The following UBE2W variants were observed in gnomAD, a reference collection of about 807,000 sequenced individuals.
UBE2W encodes ubiquitin-conjugating enzyme E2 W.
UBE2W carries 18 observed loss-of-function variants against 27.2 expected under a neutral mutation model. The ratio of observed to expected loss-of-function variants is 0.66; its 90% CI spans 0.46 to 0.98. The LOEUF is 0.98. Among genes scored for constraint, UBE2W ranks in the 50% least tolerant of loss-of-function variants. The pLI is 0.00. For synonymous variants in UBE2W, 53 were observed against 57.2 expected (o/e 0.93, Z 0.33); for missense variants, 90 against 180.2 (o/e 0.50, Z 2.87).
At chr8:73,811,511 T>C (rs549514945) in intron 3 of UBE2W, among the ~76,000 whole-genome samples, 24 of 152,318 alleles carry the variant, frequency 1.6e-4, no homozygotes, top group African/African-American at 5.8e-4. Context: ...CACTGTGTAC[T>C]ATATTTATTC....
chr8:73,788,217 A>T lies in UBE2W; in HGVS notation c.*5885T>A, dbSNP rs1808043694. ...AACTAACAAGTCTGATACATGTATT[A>T]AAAAATATATAACATAGATTTGTCT... On this transcript the variant is annotated 3_prime_UTR_variant, in exon 6 of 6. Transcript: ENST00000602593. 1.1e-6 allele frequency: 1 copy of T among 939,694 alleles called. No individual in the cohort carries two copies. 58.2% of individuals were successfully genotyped at this position (939,694 alleles called of 1,614,324 possible).
At chr8:73,782,206 C>G (rs1366871084), downstream of UBE2W, among the ~76,000 whole-genome samples, 1 of 151,910 alleles carries the variant, frequency 6.6e-6, no homozygotes, top group Non-Finnish European at 1.5e-5. Flanking sequence ...CTTGGCCTCC[C>G]AAAGTACTGG....
chr8:73,789,318 A>AAAAAAC lies in UBE2W; in HGVS notation c.*4783_*4784insGTTTTT. On this transcript the variant is annotated 3_prime_UTR_variant, in exon 6 of 6. Coordinates refer to ENST00000602593, the MANE Select transcript of UBE2W (RefSeq NM_018299.6). Reference sequence around the variant, plus strand: ...AGACCTCGTGTCTTTAAAAAAAAAAAAAAAAAAAAAAAAAAAAAAAAAAAT... The same window carrying AAAAAAC: ...AGACCTCGTGTCTTTAAAAAAAAAAAAAAAACAAAAAAAAAAAAAAAAAAAAAAAAT... 3.9e-6 allele frequency: 1 copy of AAAAAAC among 257,138 alleles called. No individual in the cohort carries two copies. Among genetic ancestry groups the AAAAAAC allele is most frequent in the Non-Finnish European group, 5.8e-6 (1 of 172,478 alleles). The allele number at this position is 257,138 out of a possible 1,614,324, so 15.9% of individuals were successfully genotyped here.
At position 73,791,832 on chromosome 8, in the gene UBE2W, G is replaced by T. The variant is rs913726824; in HGVS notation, c.*2270C>A. ...ATTTCATTTTCCTCTACTTTCCTCTGTGTCATTTTAGTTTACTTTATGGTA... is the reference window on the plus strand; with the variant it reads ...ATTTCATTTTCCTCTACTTTCCTCTTTGTCATTTTAGTTTACTTTATGGTA... On this transcript the variant is annotated 3_prime_UTR_variant, in exon 6 of 6. Transcript: ENST00000602593. 2.0e-6 allele frequency: 2 copies of T among 984,440 alleles called. No individual in the cohort carries two copies. Among genetic ancestry groups the T allele is most frequent in the Admixed American group, 1.2e-4 (2 of 16,224 alleles). The allele number at this position is 984,440 out of a possible 1,614,324, so 61.0% of individuals were successfully genotyped here.
intron 1 of UBE2W, among the ~76,000 whole-genome samples, chr8:73,841,745 G>A (rs751040785): frequency 1.3e-5 from 2 of 152,198 alleles, no homozygotes; most frequent in East Asian, 3.8e-4. Context: ...ACTCTGAAAT[G>A]TAAGGATTAG....
chr8:73,788,479 T>C lies in UBE2W; in HGVS notation c.*5623A>G. ...TTTTGGCTACTAATCAACCCAATAA[T>C]CCATTTTACCTTGAACCTGACCACC... On this transcript the variant is annotated 3_prime_UTR_variant, in exon 6 of 6. Coordinates refer to ENST00000602593, the MANE Select transcript of UBE2W (RefSeq NM_018299.6). 9 of 985,398 alleles carry C rather than the reference T, an allele frequency of 9.1e-6. No homozygotes were observed. Among genetic ancestry groups the C allele is most frequent in the Non-Finnish European group, 1.1e-5 (9 of 829,922 alleles). 61.0% of individuals were successfully genotyped at this position (985,398 alleles called of 1,614,324 possible).
intron 3 of UBE2W, among the ~76,000 whole-genome samples, chr8:73,817,144 T>C (rs1302527004): frequency 1.3e-5 from 2 of 151,304 alleles, no homozygotes; most frequent in East Asian, 3.9e-4. Flanking sequence ...GCCAACATGG[T>C]GAAACCCCAT....
intron 5 of UBE2W, among the ~76,000 whole-genome samples, chr8:73,798,707 G>C (rs1050198025): frequency 6.6e-6 from 1 of 152,172 alleles, no homozygotes; most frequent in African/African-American, 2.4e-5. Flanking sequence ...CTCACAAAGA[G>C]ACACATTCAA....
intron 1 of UBE2W, among the ~76,000 whole-genome samples, chr8:73,835,176 C>T (rs72661825): frequency 9.9e-5 from 15 of 151,420 alleles, no homozygotes; most frequent in Non-Finnish European, 1.8e-4. Flanking sequence ...ACTAAAAAAG[C>T]GCTTTATTGG....
chr8:73,845,619 ATGTT>A (rs1265051858), intron 1 of UBE2W, among the ~76,000 whole-genome samples: 1 of 152,082 alleles, frequency 6.6e-6, no homozygotes, highest in African/African-American at 2.4e-5. Context: ...CTTTGTTCAC[ATGTT>A]TATCTGCTGA....
Position 73,787,627 on chromosome 8 carries a change from T to C in UBE2W, c.*6475A>G. ...AGCTTAGAATTACCAGCAGAGCATA[T>C]TTAATTCCTCCTGTCAGGAATAACA... On this transcript the variant is annotated 3_prime_UTR_variant, in exon 6 of 6. Coordinates refer to ENST00000602593, the MANE Select transcript of UBE2W (RefSeq NM_018299.6). 1 of 985,408 alleles carries C rather than the reference T, an allele frequency of 1.0e-6. No homozygotes were observed. The highest frequency in any genetic ancestry group is 1.2e-6 in the Non-Finnish European group (1 of 829,930). 61.0% of individuals were successfully genotyped at this position (985,408 alleles called of 1,614,324 possible).
chr8:73,793,672 T>C lies in UBE2W; in HGVS notation c.*430A>G, dbSNP rs1441816906. ...ATTCCCACTATAACCAGTAAGTTCA[T>C]TTCATAGGCCCTATCATGCATTAAT... On this transcript the variant is annotated 3_prime_UTR_variant, in exon 6 of 6. Coordinates refer to ENST00000602593, the MANE Select transcript of UBE2W (RefSeq NM_018299.6). The C allele has an allele frequency of 2.0e-6, 2 of 988,650 alleles. No homozygotes were observed. Among genetic ancestry groups the C allele is most frequent in the Non-Finnish European group, 2.4e-6 (2 of 832,078 alleles). The allele number at this position is 988,650 out of a possible 1,614,324, so 61.2% of individuals were successfully genotyped here.
chr8:73,878,708 C>G, intron 1 of UBE2W, 100 bp downstream of exon 1: 1 of 1,130,452 alleles, frequency 8.8e-7, no homozygotes, highest in Admixed American at 2.0e-5. Flanking sequence ...GATCCCGAAC[C>G]CGCCCGGGTG....
At chr8:73,809,078 C>T (rs904120123) in intron 4 of UBE2W, among the ~76,000 whole-genome samples, 1 of 152,066 alleles carries the variant, frequency 6.6e-6, no homozygotes, top group African/African-American at 2.4e-5. Context: ...ACATAGAAGG[C>T]CTTGTACCCA....
chr8:73,845,211 G>A (rs567014537), intron 1 of UBE2W, among the ~76,000 whole-genome samples: 4 of 152,366 alleles, frequency 2.6e-5, no homozygotes, highest in African/African-American at 9.6e-5. Flanking sequence ...TCTGGGAGGT[G>A]TACCCAACAG....
chr8:73,784,535 A>G (rs534153634), downstream of UBE2W, among the ~76,000 whole-genome samples: 7 of 152,306 alleles, frequency 4.6e-5, no homozygotes, highest in East Asian at 1.9e-4. Flanking sequence ...CTAGAATGTG[A>G]TAACTTTATG....
At chr8:73,847,633 G>A (rs975771622) in intron 1 of UBE2W, among the ~76,000 whole-genome samples, 2 of 75,026 alleles carry the variant, frequency 2.7e-5, no homozygotes, top group Non-Finnish European at 7.6e-5. Context: ...CGGGTGCTGT[G>A]GCTCACACCT....
At chr8:73,813,560 C>A (rs1809262754) in intron 3 of UBE2W, among the ~76,000 whole-genome samples, 1 of 152,160 alleles carries the variant, frequency 6.6e-6, no homozygotes, top group Non-Finnish European at 1.5e-5. Flanking sequence ...AGGGGAATTG[C>A]ATGTAATAGG....
intron 4 of UBE2W, among the ~76,000 whole-genome samples, chr8:73,805,970 T>C (rs146571264): frequency 0.01 from 1,595 of 152,230 alleles, 25 homozygotes; most frequent in African/African-American, 0.036. Context: ...CTGGCCAACA[T>C]GGTGAAACCC....
Sources: allele counts gnomAD v4.1 joint callset (sites outside exome capture counted in the v4.1 genomes callset), GRCh38; gene constraint gnomAD v4.1.1; transcripts MANE v1.5; gene names NCBI Gene and HGNC (gene_info 2026-07-23, HGNC 2026-07-21).